The following RALGPS1 variants were observed in gnomAD, a reference collection of about 807,000 sequenced individuals.
RALGPS1 encodes ras-specific guanine nucleotide-releasing factor RalGPS1.
RALGPS1 carries 19 observed loss-of-function variants against 78.8 expected under a neutral mutation model. The ratio of observed to expected loss-of-function variants is 0.24; its 90% confidence interval spans 0.17 to 0.35. The LOEUF is 0.35. Among genes scored for constraint, RALGPS1 ranks in the 10% least tolerant of loss-of-function variants. The probability of loss-of-function intolerance (pLI) is 1.00; values close to 1 mark genes in which losing one functional copy is unlikely to be tolerated. For synonymous variants in RALGPS1, 228 were observed against 256.3 expected, an observed-to-expected ratio of 0.89 and a Z score of 1.06; for missense variants, 454 against 688.3, an observed-to-expected ratio of 0.66 and a Z score of 3.81.
At chr9:127,118,349 C>G (rs12686113) in intron 8 of RALGPS1, among the ~76,000 whole-genome samples, 16 of 152,212 alleles carry the variant, frequency 1.1e-4, no homozygotes, top group African/African-American at 3.9e-4. Context: ...AGGCTTCTGA[C>G]GTGACCAGTG....
intron 6 of RALGPS1, among the ~76,000 whole-genome samples, chr9:127,051,822 A>G (rs2048325177): frequency 6.6e-6 from 1 of 152,222 alleles, no homozygotes; most frequent in African/African-American, 2.4e-5. Flanking sequence ...GGTGAGAGAG[A>G]GGCAAGTAAA....
chr9:126,953,517 C>T (rs1389254258), intron 1 of RALGPS1, among the ~76,000 whole-genome samples: 3 of 152,176 alleles, frequency 2.0e-5, no homozygotes, highest in Admixed American at 2.0e-4. Flanking sequence ...GCCAGGCTAC[C>T]TCCCTGTGTA....
intron 1 of RALGPS1, among the ~76,000 whole-genome samples, chr9:126,915,707 C>G (rs944500827): frequency 1.3e-5 from 2 of 148,614 alleles, no homozygotes; most frequent in African/African-American, 5.0e-5. Context: ...ACGCCGCGCC[C>G]TAAGTGGGGC....
At chr9:127,164,093 C>A (rs2059163022) in intron 8 of RALGPS1, among the ~76,000 whole-genome samples, 1 of 151,586 alleles carries the variant, frequency 6.6e-6, no homozygotes, top group South Asian at 2.1e-4. Context: ...ATTGTTAAAT[C>A]CTAGATGTAG....
At chr9:127,216,973 C>CG (rs1014240373) in intron 18 of RALGPS1, 2 of 1,544,056 alleles carry the variant, frequency 1.3e-6, no homozygotes, top group Non-Finnish European at 1.7e-6. Flanking sequence ...GAGGGCGGTG[C>CG]GGGGAAGGAG....
chr9:127,217,890 T>C (rs1177368271), intron 18 of RALGPS1: 1 of 152,256 alleles, frequency 6.6e-6, no homozygotes, highest in African/African-American at 2.4e-5. Context: ...GTCATTCATT[T>C]ATTTTTACTC....
chr9:126,999,249 G>A (rs1022725807), intron 4 of RALGPS1, among the ~76,000 whole-genome samples: 3 of 151,994 alleles, frequency 2.0e-5, no homozygotes, highest in Admixed American at 6.6e-5. Context: ...TCCTGACCCC[G>A]TACATGCACA....
chr9:126,987,341 G>A (rs1418856634), intron 4 of RALGPS1, among the ~76,000 whole-genome samples: 1 of 152,190 alleles, frequency 6.6e-6, no homozygotes, highest in Non-Finnish European at 1.5e-5. Context: ...GGTGATTTGG[G>A]GAGTTGGGGG....
chr9:127,196,065 A>C (rs2061333667), intron 12 of RALGPS1, among the ~76,000 whole-genome samples: 1 of 152,252 alleles, frequency 6.6e-6, no homozygotes, highest in African/African-American at 2.4e-5. Flanking sequence ...AATGAGGTTC[A>C]ACAAGGTGAA....
At chr9:127,150,312 G>A (rs2058346176) in intron 8 of RALGPS1, among the ~76,000 whole-genome samples, 1 of 152,198 alleles carries the variant, frequency 6.6e-6, no homozygotes, top group African/African-American at 2.4e-5. Flanking sequence ...TGGGCTCGGG[G>A]TCACCAGGGG....
chr9:126,978,449 G>A (rs2040894433), intron 4 of RALGPS1: 1 of 152,030 alleles, frequency 6.6e-6, no homozygotes, highest in Non-Finnish European at 1.5e-5. Flanking sequence ...GGGTGTGTGT[G>A]TGTGTGCGTG....
intron 5 of RALGPS1, among the ~76,000 whole-genome samples, chr9:127,037,022 A>G (rs2134765556): frequency 6.6e-6 from 1 of 152,320 alleles, no homozygotes; most frequent in African/African-American, 2.4e-5. Context: ...TAGCTGTATG[A>G]TCTTGGGTTG....
chr9:126,924,992 T>G (rs2035130424), intron 1 of RALGPS1, among the ~76,000 whole-genome samples: 1 of 152,156 alleles, frequency 6.6e-6, no homozygotes, highest in Non-Finnish European at 1.5e-5. Flanking sequence ...CTGGGCATGG[T>G]GGCACATGCC....
chr9:127,116,493 G>A (rs2055435911), intron 8 of RALGPS1, among the ~76,000 whole-genome samples: 1 of 152,234 alleles, frequency 6.6e-6, no homozygotes, highest in South Asian at 2.1e-4. Context: ...AGGCGGGGAA[G>A]AGTCTGCAGA....
chr9:127,050,024 T>A lies in RALGPS1; in HGVS notation c.301-19T>A. On this transcript the variant is annotated intron_variant, in intron 5 of 18. Coordinates refer to ENST00000259351, the MANE Select transcript of RALGPS1 (RefSeq NM_014636.3). ...TTTCTGGTGTGTATGTGTGTATGTG[T>A]GTGTATTTGACTCTACAGGTCAGTT... The A allele has an allele frequency of 6.4e-7, 1 of 1,572,840 alleles. No individual in the cohort carries two copies. The highest frequency in any genetic ancestry group is 8.8e-7 in the Non-Finnish European group (1 of 1,142,568).
intron 8 of RALGPS1, chr9:127,108,551 G>A: frequency 6.2e-7 from 1 of 1,613,386 alleles, no homozygotes; most frequent in South Asian, 1.1e-5. Flanking sequence ...CGCTGCTGGG[G>A]CACAATGAAG....
chr9:127,065,991 A>G (rs2049657916), intron 7 of RALGPS1, among the ~76,000 whole-genome samples: 1 of 152,254 alleles, frequency 6.6e-6, no homozygotes, highest in Non-Finnish European at 1.5e-5. Context: ...AGAAGGGAGC[A>G]GATGAGTAAA....
chr9:126,935,734 C>G (rs1393868787), intron 1 of RALGPS1, among the ~76,000 whole-genome samples: 1 of 152,222 alleles, frequency 6.6e-6, no homozygotes, highest in Non-Finnish European at 1.5e-5. Context: ...TTCTCACATG[C>G]TCTCTGCTTT....
chr9:127,066,439 G>A (rs188241352), intron 7 of RALGPS1, among the ~76,000 whole-genome samples: 44 of 152,322 alleles, frequency 2.9e-4, no homozygotes, highest in African/African-American at 9.1e-4. Context: ...TCAGGAGTTC[G>A]AGACTGGACT....
Sources: gnomAD v4.1 joint callset for allele counts (sites outside exome capture counted in the v4.1 genomes callset) on GRCh38, gnomAD v4.1.1 for gene constraint, MANE v1.5 for transcripts, NCBI Gene and HGNC (gene_info 2026-07-23, HGNC 2026-07-21) for gene names.